The following TACC2 variants were observed in gnomAD, a reference collection of about 807,000 sequenced individuals.
TACC2 encodes transforming acidic coiled-coil-containing protein 2.
In TACC2, 137 loss-of-function variants were observed where a neutral mutation model predicts 227.3. The observed-to-expected ratio is 0.60, with a 90% confidence interval of 0.52 to 0.69. TACC2 has a LOEUF of 0.69. TACC2 is among the 30% of genes least tolerant of loss of function. TACC2 has a pLI of 0.00. For missense variants in TACC2, 3,470 were observed against 3,694.4 expected (o/e 0.94, Z 1.57); for synonymous variants, 1,523 against 1,487.5 (o/e 1.02, Z -0.55).
intron 1 of TACC2, among the ~76,000 whole-genome samples, chr10:122,017,771 C>G (rs149346060): frequency 7.0e-6 from 1 of 143,470 alleles, no homozygotes; most frequent in Non-Finnish European, 1.5e-5. Context: ...GAGCCGAGAT[C>G]GCGCCACTGC....
intron 3 of TACC2, among the ~76,000 whole-genome samples, chr10:122,058,698 G>A (rs1405022717): frequency 2.6e-5 from 4 of 151,964 alleles, no homozygotes; most frequent in East Asian, 3.9e-4. Flanking sequence ...ATGAGCCACC[G>A]TGCCTGGCCA....
chr10:122,198,102 C>T (rs1002739458), intron 8 of TACC2, among the ~76,000 whole-genome samples: 2 of 152,232 alleles, frequency 1.3e-5, no homozygotes, highest in African/African-American at 4.8e-5. Flanking sequence ...GTTTTTCCCC[C>T]TGGCAACCTA....
Position 122,085,780 on chromosome 10 carries a change from C to T in TACC2, c.3280C>T (p.Pro1094Ser). 1 of 1,613,724 alleles carries T rather than the reference C, an allele frequency of 6.2e-7. No individual in the cohort carries two copies. The highest frequency in any genetic ancestry group is 8.5e-7 in the Non-Finnish European group (1 of 1,179,910). ...ETQEGRQQPV[P>S]APQQKMECWA... is the part of the protein sequence containing the mutation. ...CCAGGAAGGCAGGCAGCAACCAGTG[C>T]CGGCCCCGCAGCAGAAAATGGAGTG... The change falls in exon 4 of 23, where the codon CCG becomes TCG. Residue 1094 changes from proline to serine, a missense_variant. This residue lies in a region of TACC2 where 1,924 missense variants were observed against 1,978.3 expected (regional missense o/e 0.97). Coordinates refer to ENST00000369005, the MANE Select transcript of TACC2 (RefSeq NM_206862.4).
At chr10:122,011,709 TTTG>T (rs2135344499) in intron 1 of TACC2, among the ~76,000 whole-genome samples, 1 of 152,298 alleles carries the variant, frequency 6.6e-6, no homozygotes, top group East Asian at 1.9e-4. Context: ...TAGGTGATAA[TTTG>T]TTGTTGGTGG....
chr10:121,989,439 G>T lies in TACC2; in HGVS notation c.-95G>T, dbSNP rs1343160232. On this transcript the variant is annotated 5_prime_UTR_variant, in exon 1 of 23. Transcript: ENST00000369005. ...TTTCCTCTGAGGAGGGAAGAATAGAGTTGCTGCTGCAGACACATCAGATTC... is the reference window on the plus strand; with the variant it reads ...TTTCCTCTGAGGAGGGAAGAATAGATTTGCTGCTGCAGACACATCAGATTC... 6.6e-6 allele frequency: 1 copy of T among 152,264 alleles called. No homozygotes were observed. Among genetic ancestry groups the T allele is most frequent in the African/African-American group, 2.4e-5 (1 of 41,462 alleles). 9.4% of individuals were successfully genotyped at this position (152,264 alleles called of 1,614,324 possible). A position where few individuals can be genotyped will look rare whatever the true frequency, so the allele number is the denominator to read the frequency against.
Position 122,210,261 on chromosome 10 carries a change from A to C in TACC2, c.5972-136A>C. ...GTCAGGTTCTGTACCCAAGTAGTAC[A>C]CACAGTGATGGGCGGGGTGGCCTGG... On this transcript the variant is annotated intron_variant, in intron 8 of 22. Coordinates refer to ENST00000369005, the MANE Select transcript of TACC2 (RefSeq NM_206862.4). This position sits in a 1 kb window ranked among gnomAD's most constrained non-coding sequence, Gnocchi z 4.6. 1 of 712,818 alleles carries C rather than the reference A, an allele frequency of 1.4e-6. No individual in the cohort carries two copies. 44.2% of individuals were successfully genotyped at this position (712,818 alleles called of 1,614,324 possible).
intron 3 of TACC2, among the ~76,000 whole-genome samples, chr10:122,059,059 A>ATTTTTTTTTTTTT (rs370288691): frequency 8.4e-6 from 1 of 119,218 alleles, no homozygotes; most frequent in Non-Finnish European, 1.8e-5. Flanking sequence ...CGCCTGGCTA[A>ATTTTTTTTTTTTT]TTTGTTGTTG....
At chr10:121,998,030 G>C (rs879076232) in intron 1 of TACC2, among the ~76,000 whole-genome samples, 4 of 151,980 alleles carry the variant, frequency 2.6e-5, no homozygotes, top group Non-Finnish European at 5.9e-5. Flanking sequence ...AAGACTCCTC[G>C]GCTGGGCACG....
rs532806720 is a variant in TACC2, at chr10:122,125,998, C to T, written c.5574-6611C>T. ...TTCACCATGTTGGCCAGGATGATCT[C>T]GATCTCCTGACCTCGTGATCCACCC... On this transcript the variant is annotated intron_variant, in intron 5 of 22. Transcript: ENST00000369005. Among the ~76,000 whole-genome samples the T allele has an allele frequency of 2.2e-4, 33 of 152,044 alleles. No homozygotes were observed. In the South Asian group the frequency reaches 5.0e-3, roughly 23 times the overall value.
At chr10:122,188,432 A>G (rs2094290724) in intron 7 of TACC2, among the ~76,000 whole-genome samples, 1 of 151,984 alleles carries the variant, frequency 6.6e-6, no homozygotes, top group Admixed American at 6.6e-5. Context: ...GGCATGCGCC[A>G]CCACGCCTGG....
At position 122,197,890 on chromosome 10, in the gene TACC2, C is replaced by T. The variant is rs557665940; in HGVS notation, c.5971+2714C>T. Among the ~76,000 whole-genome samples the T allele has an allele frequency of 5.9e-5, 9 of 152,332 alleles. No homozygotes were observed. The South Asian group carries it at 1.7e-3, about 28-fold the overall frequency. ...TTCTGTAGACCAGCATGGGGCATTA[C>T]GAAGGCGTGGGAAGGCAGCTGTGCT... On this transcript the variant is annotated intron_variant, in intron 8 of 22. Transcript: ENST00000369005.
chr10:122,099,301 G>A (rs910473853), intron 5 of TACC2, among the ~76,000 whole-genome samples: 22 of 152,334 alleles, frequency 1.4e-4, no homozygotes, highest in African/African-American at 5.1e-4. Context: ...GAGTGTGAGT[G>A]CCGAGCCTGG....
At chr10:122,049,210 C>T (rs2075393671) in intron 2 of TACC2, among the ~76,000 whole-genome samples, 1 of 152,242 alleles carries the variant, frequency 6.6e-6, no homozygotes, top group East Asian at 1.9e-4. Context: ...TCATAGAGCT[C>T]CCAGATGGCT....
chr10:122,210,642 A>G lies in TACC2; in HGVS notation c.6217A>G (p.Thr2073Ala). 2 of 1,614,080 alleles carry G rather than the reference A, an allele frequency of 1.2e-6. No homozygotes were observed. The highest frequency in any genetic ancestry group is 8.5e-7 in the Non-Finnish European group (1 of 1,180,028). ...EGKVNTRRKS[T>A]DSVPISKSTL... The stretch of plus-strand genomic sequence containing the variant: ...CAAAGTGAACACACGGAGGAAGTCC[A>G]CGGATTCCGTCCCCATCTCTAAGTC... Residue 2073 changes from threonine (T) to alanine (A), a missense_variant, in exon 9 of 23, where the codon ACG becomes GCG. Physicochemically the swap from Thr to Ala is moderately conservative, Grantham distance 58. This residue lies in a region of TACC2 where 593 missense variants were observed against 636.6 expected (regional missense o/e 0.93). Coordinates refer to ENST00000369005, the MANE Select transcript of TACC2 (RefSeq NM_206862.4). This position sits in a 1 kb window ranked among gnomAD's most constrained non-coding sequence, Gnocchi z 4.6.
intron 7 of TACC2, among the ~76,000 whole-genome samples, chr10:122,186,792 C>T (rs900744916): frequency 2.6e-5 from 4 of 152,184 alleles, no homozygotes; most frequent in Non-Finnish European, 1.5e-5. Flanking sequence ...GGATTGCAGG[C>T]ATGTGACACC....
At position 122,085,691 on chromosome 10, in the gene TACC2, C is replaced by G. The variant is rs762904530; in HGVS notation, c.3191C>G (p.Ala1064Gly). Residue 1064 changes from alanine (A) to glycine (G), a missense_variant, in exon 4 of 23, where the codon GCG becomes GGG. By Grantham distance (60) the Ala-to-Gly change is moderately conservative. Coordinates refer to ENST00000369005, the MANE Select transcript of TACC2 (RefSeq NM_206862.4). ...LDAVPCLPAL[A>G]PASPGVTPTQ... ...GCAGTTCCCTGCCTGCCAGCCCTGG[C>G]GCCCGCCAGCCCCGGAGTCACACCC... 6.8e-6 allele frequency: 11 copies of G among 1,613,674 alleles called. No individual in the cohort carries two copies. Among genetic ancestry groups the G allele is most frequent in the Non-Finnish European group, 8.5e-6 (10 of 1,180,018 alleles).
rs753523989 is a variant in TACC2, at chr10:122,185,620, G to GT, written c.5835-9414dup. ...TAGACTGTAAGAGAAGGCTAAGTGT[G>GT]TTTTTTCAGAGAAGACCAGGTGGAG... On this transcript the variant is annotated intron_variant, in intron 7 of 22. Coordinates refer to ENST00000369005, the MANE Select transcript of TACC2 (RefSeq NM_206862.4). Among the ~76,000 whole-genome samples the GT allele has an allele frequency of 5.9e-5, 9 of 152,336 alleles. No individual in the cohort carries two copies. In the East Asian group the frequency reaches 1.5e-3, roughly 26 times the overall value.
In TACC2 at chr10:122,111,991, T is replaced by C. The variant is rs569769941; in HGVS notation, c.5574-20618T>C. On this transcript the variant is annotated intron_variant, in intron 5 of 22. Coordinates refer to ENST00000369005, the MANE Select transcript of TACC2 (RefSeq NM_206862.4). Reference sequence around the variant, plus strand: ...AAGCACTGCGTTATTTAAAAAACAATATTTTCGCAGAAGGCAGTAACAGTC... The same window carrying C: ...AAGCACTGCGTTATTTAAAAAACAACATTTTCGCAGAAGGCAGTAACAGTC... Among the ~76,000 whole-genome samples the C allele has an allele frequency of 4.7e-4, 71 of 152,296 alleles. No individual in the cohort carries two copies. In the South Asian group the frequency reaches 0.013, roughly 28 times the overall value.
chr10:122,029,569 A>G (rs920662521), intron 2 of TACC2, among the ~76,000 whole-genome samples: 2 of 152,192 alleles, frequency 1.3e-5, no homozygotes, highest in Non-Finnish European at 2.9e-5. Flanking sequence ...GAAATCTTAC[A>G]TTTTAAAAAA....
Sources: allele counts gnomAD v4.1 joint callset (sites outside exome capture counted in the v4.1 genomes callset), GRCh38; gene constraint gnomAD v4.1.1; regional missense constraint gnomAD v4.1.1; non-coding constraint Gnocchi (gnomAD v3.1); transcripts MANE v1.5; gene names NCBI Gene and HGNC (gene_info 2026-07-23, HGNC 2026-07-21).